CD58: variants seen among roughly 807,000 people sequenced by gnomAD.
CD58 encodes the protein CD58 molecule, also known as lymphocyte function-associated antigen 3.
A neutral mutation model predicts 27.6 loss-of-function variants in CD58; 14 were observed. The ratio of observed to expected loss-of-function variants is 0.51; its 90% CI spans 0.34 to 0.79. The LOEUF (loss-of-function observed/expected upper bound fraction) is 0.79, where lower values mean the gene tolerates loss of function less well. Ranked by LOEUF, CD58 falls within the 30% of genes least tolerant of loss-of-function variation. The probability of loss-of-function intolerance (pLI) is 0.02; values close to 1 mark genes in which losing one functional copy is unlikely to be tolerated. For synonymous variants in CD58, 117 were observed against 103.8 expected (o/e 1.13, Z -0.77); for missense variants, 268 against 301.7 (o/e 0.89, Z 0.83).
At chr1:116,553,226 T>C (rs1192526543) in intron 1 of CD58, among the ~76,000 whole-genome samples, 2 of 151,896 alleles carry the variant, frequency 1.3e-5, no homozygotes, top group Non-Finnish European at 2.9e-5. Context: ...TGTATTATAG[T>C]TTTTTTTCAA....
chr1:116,517,737 G>C lies in CD58; in HGVS notation c.743+1494C>G, dbSNP rs1657129001. Among the ~76,000 whole-genome samples, 1 of 152,086 alleles carries C rather than the reference G, an allele frequency of 6.6e-6. No individual in the cohort carries two copies. Among genetic ancestry groups the C allele is most frequent in the Admixed American group, 6.6e-5 (1 of 15,264 alleles). ...AGCTTTTCTTTCTTAGTGACCTCAG[G>C]TGCTCACGGCATCAATTACTGTCCA... On this transcript the variant is annotated intron_variant, in intron 5 of 5. Coordinates refer to ENST00000369489, the MANE Select transcript of CD58 (RefSeq NM_001779.3). The surrounding 1 kb of genome is among the most constrained non-coding windows in gnomAD (Gnocchi z 6.5).
At chr1:116,565,700 CTTTT>C (rs929607439) in intron 1 of CD58, among the ~76,000 whole-genome samples, 6 of 149,842 alleles carry the variant, frequency 4.0e-5, no homozygotes, top group African/African-American at 1.5e-4. Flanking sequence ...ATCCAAATAA[CTTTT>C]TTTTGTTTTG....
chr1:116,544,832 G>C (rs368603357), intron 1 of CD58, among the ~76,000 whole-genome samples: 1 of 152,216 alleles, frequency 6.6e-6, no homozygotes, highest in Non-Finnish European at 1.5e-5. Context: ...CAGGTAGTAC[G>C]GGCTGGGCTG....
At position 116,538,901 on chromosome 1, in the gene CD58, T is replaced by A. The variant is rs1026596642; in HGVS notation, c.365-2673A>T. On this transcript the variant is annotated intron_variant, in intron 2 of 5. Coordinates refer to ENST00000369489, the MANE Select transcript of CD58 (RefSeq NM_001779.3). The surrounding 1 kb of genome is among the most constrained non-coding windows in gnomAD (Gnocchi z 4.7). The stretch of plus-strand genomic sequence containing the variant: ...TCTTCAAATAAAATGTAAATTCTTC[T>A]ACCCGCTATCTCCAAAGAGGTACAG... 6.6e-6 allele frequency among the ~76,000 whole-genome samples: 1 copy of A among 152,212 alleles called. No individual in the cohort carries two copies. Among genetic ancestry groups the A allele is most frequent in the Non-Finnish European group, 1.5e-5 (1 of 68,024 alleles).
At chr1:116,569,936 C>A (rs542771905) in intron 1 of CD58, among the ~76,000 whole-genome samples, 1 of 152,144 alleles carries the variant, frequency 6.6e-6, no homozygotes, top group Non-Finnish European at 1.5e-5. Flanking sequence ...TCTGATCGTG[C>A]GGGTACTTTT....
In CD58 at chr1:116,532,948, G is replaced by A; in HGVS notation, c.628+3017C>T. On this transcript the variant is annotated intron_variant, in intron 3 of 5. Coordinates refer to ENST00000369489, the MANE Select transcript of CD58 (RefSeq NM_001779.3). The surrounding 1 kb of genome is among the most constrained non-coding windows in gnomAD (Gnocchi z 5.1). ...CCACCTCCACTTCCTACTGCTGCTTGCATTCCGCCGGCTGGCTGGGTTCCT... is the reference window on the plus strand; with the variant it reads ...CCACCTCCACTTCCTACTGCTGCTTACATTCCGCCGGCTGGCTGGGTTCCT... The A allele has an allele frequency of 9.3e-7, 1 of 1,071,996 alleles. No homozygotes were observed. Among genetic ancestry groups the A allele is most frequent in the Non-Finnish European group, 1.4e-6 (1 of 730,186 alleles). 66.4% of individuals were successfully genotyped at this position (1,071,996 alleles called of 1,614,324 possible).
chr1:116,518,967 C>T, intron 5 of CD58: 1 of 1,005,816 alleles, frequency 9.9e-7, no homozygotes, highest in Non-Finnish European at 1.4e-6. Flanking sequence ...CTCATATGCG[C>T]TGTCTCTAAG....
intron 1 of CD58, among the ~76,000 whole-genome samples, chr1:116,566,984 C>CA (rs1658957929): frequency 6.7e-6 from 1 of 148,500 alleles, no homozygotes; most frequent in Non-Finnish European, 1.5e-5. Context: ...ATAAAAAATA[C>CA]AAAAAAATTA....
In CD58 at chr1:116,546,992, T is replaced by TC. The variant is rs546706179; in HGVS notation, c.71-2389dup. On this transcript the variant is annotated intron_variant, in intron 1 of 5. Coordinates refer to ENST00000369489, the MANE Select transcript of CD58 (RefSeq NM_001779.3). The surrounding 1 kb of genome is among the most constrained non-coding windows in gnomAD (Gnocchi z 4.1). ...ATATTTTCTTCCTTATGCTTTTTTT[T>TC]CTTTTTTAAATTTTTTTATTACTAT... Among the ~76,000 whole-genome samples, 707 of 152,292 alleles carry TC rather than the reference T, an allele frequency of 4.6e-3. 2 individuals are homozygous for TC. Among genetic ancestry groups the TC allele is most frequent in the African/African-American group, 0.016 (671 of 41,560 alleles).
chr1:116,520,713 G>T (rs925278678), intron 4 of CD58, among the ~76,000 whole-genome samples: 1 of 152,078 alleles, frequency 6.6e-6, no homozygotes, highest in Admixed American at 6.6e-5. Context: ...GATTAAAATA[G>T]ATTTTTAAAA....
At chr1:116,566,301 C>G (rs1319140120) in intron 1 of CD58, among the ~76,000 whole-genome samples, 1 of 152,168 alleles carries the variant, frequency 6.6e-6, no homozygotes, top group African/African-American at 2.4e-5. Flanking sequence ...GAACAGAGTT[C>G]TCACTGTGGG....
At chr1:116,544,990 C>G (rs1402378369) in intron 1 of CD58, among the ~76,000 whole-genome samples, 3 of 152,176 alleles carry the variant, frequency 2.0e-5, no homozygotes, top group Non-Finnish European at 2.9e-5. Flanking sequence ...ACGTGCAAAT[C>G]ACTGAAGGAT....
Position 116,527,115 on chromosome 1 carries a change from T to A in CD58, c.629-5132A>T, listed in dbSNP as rs1047326073. ...ATTGTATACATAGATATTCATGTCA[T>A]CTGAGAACTAAAACAATTTTCTTTC... On this transcript the variant is annotated intron_variant, in intron 3 of 5. Transcript: ENST00000369489. The surrounding 1 kb of genome is among the most constrained non-coding windows in gnomAD (Gnocchi z 4.4). Among the ~76,000 whole-genome samples the A allele has an allele frequency of 6.6e-6, 1 of 152,260 alleles. No individual in the cohort carries two copies. Among genetic ancestry groups the A allele is most frequent in the Non-Finnish European group, 1.5e-5 (1 of 68,038 alleles).
intron 3 of CD58, among the ~76,000 whole-genome samples, chr1:116,529,763 G>C (rs965881418): frequency 1.3e-5 from 2 of 152,268 alleles, no homozygotes; most frequent in African/African-American, 4.8e-5. Flanking sequence ...AGTACAATAC[G>C]AGTTGGACAA....
intron 3 of CD58, among the ~76,000 whole-genome samples, chr1:116,526,060 T>A (rs1242427471): frequency 6.6e-6 from 1 of 152,236 alleles, no homozygotes; most frequent in East Asian, 1.9e-4. Context: ...TTTTTCTTGT[T>A]GAGTTTTAAA....
Position 116,534,803 on chromosome 1 carries a change from CTT to C in CD58, c.628+1160_628+1161del. ...TTCAGAAAAGACAATAAATGGGAGA[CTT>C]AGAATGGCTCACCAGTTAAAATCCA... On this transcript the variant is annotated intron_variant, in intron 3 of 5. Transcript: ENST00000369489. The surrounding 1 kb of genome is among the most constrained non-coding windows in gnomAD (Gnocchi z 5.3). Among the ~76,000 whole-genome samples the C allele has an allele frequency of 6.6e-6, 1 of 152,276 alleles. No homozygotes were observed. Among genetic ancestry groups the C allele is most frequent in the East Asian group, 1.9e-4 (1 of 5,184 alleles).
chr1:116,527,628 C>T lies in CD58; in HGVS notation c.629-5645G>A, dbSNP rs147830731. ...ATGTATGTTCATGAGAAATATTTGT[C>T]TTAATTTTCTTTTCTTGTATTGTTC... On this transcript the variant is annotated intron_variant, in intron 3 of 5. Coordinates refer to ENST00000369489, the MANE Select transcript of CD58 (RefSeq NM_001779.3). The surrounding 1 kb of genome is among the most constrained non-coding windows in gnomAD (Gnocchi z 4.4). 7.9e-4 allele frequency among the ~76,000 whole-genome samples: 120 copies of T among 152,214 alleles called. No homozygotes were observed. The highest frequency in any genetic ancestry group is 2.5e-3 in the African/African-American group (105 of 41,530).
intron 1 of CD58, among the ~76,000 whole-genome samples, chr1:116,549,262 C>T (rs1224878028): frequency 1.3e-5 from 2 of 152,136 alleles, no homozygotes; most frequent in East Asian, 3.8e-4. Context: ...TAAGTAAAAG[C>T]ATCAGGTGTC....
rs1449003845 is a variant in CD58 at position 116,542,675 on chromosome 1, G to GA, written c.364+1635dup. 5.3e-5 allele frequency among the ~76,000 whole-genome samples: 8 copies of GA among 152,196 alleles called. No homozygotes were observed. The East Asian group carries it at 1.5e-3, about 29-fold the overall frequency. On this transcript the variant is annotated intron_variant, in intron 2 of 5. Transcript: ENST00000369489. ...CTTATGGGGGAAATTCTCATCAGGA[G>GA]AGAGTGGGTAGAAGCACTAGGGTGA...
Sources: gnomAD v4.1 joint callset for allele counts (sites outside exome capture counted in the v4.1 genomes callset) on GRCh38, gnomAD v4.1.1 for gene constraint, Gnocchi (gnomAD v3.1) non-coding constraint, MANE v1.5 for transcripts, NCBI Gene and HGNC (gene_info 2026-07-23, HGNC 2026-07-21) for gene names.